PDK1: variants seen among roughly 807,000 people sequenced by gnomAD.
PDK1 encodes the protein [Pyruvate dehydrogenase (acetyl-transferring)] kinase isozyme 1, mitochondrial.
Under a neutral mutation model 54.2 loss-of-function variants are expected in PDK1, and 39 were observed. That is an observed-to-expected ratio of 0.72 (90% confidence interval 0.56 to 0.94). The LOEUF (loss-of-function observed/expected upper bound fraction) is 0.94. Ranked by LOEUF, PDK1 falls within the 40% of genes least tolerant of loss-of-function variation. PDK1 has a pLI of 0.00. For synonymous variants in PDK1, 221 were observed against 207.1 expected (o/e 1.07, Z -0.58); for missense variants, 552 against 566.0 (o/e 0.98, Z 0.25).
At chr2:172,665,011 G>C in the PDK1 span, among the ~76,000 whole-genome samples, 1 of 152,152 alleles carries the variant, frequency 6.6e-6, no homozygotes, top group Admixed American at 6.5e-5. Flanking sequence ...GCAAAGTCCA[G>C]GTCTTTGGCA....
the PDK1 span, among the ~76,000 whole-genome samples, chr2:172,652,673 T>C: frequency 8.6e-5 from 13 of 152,036 alleles, no homozygotes; most frequent in Non-Finnish European, 1.6e-4. Flanking sequence ...TATACACCAA[T>C]AACAGACAAA....
chr2:172,626,513 G>A, the PDK1 span, among the ~76,000 whole-genome samples: 1 of 152,178 alleles, frequency 6.6e-6, no homozygotes, highest in East Asian at 1.9e-4. Flanking sequence ...TTAATGTGTT[G>A]CAGGGCACAG....
intron 8 of PDK1, among the ~76,000 whole-genome samples, chr2:172,574,050 T>C (rs1292668886): frequency 2.0e-5 from 3 of 152,082 alleles, no homozygotes; most frequent in Admixed American, 2.0e-4. Context: ...TTTCTAAGAG[T>C]TTTATAGTTT....
chr2:172,608,036 A>G lies in PDK1; in HGVS notation c.*12067A>G, dbSNP rs972429422. 1 of 152,228 alleles carries G rather than the reference A, an allele frequency of 6.6e-6. No individual in the cohort carries two copies. The allele number at this position is 152,228 out of a possible 1,614,324, so 9.4% of individuals were successfully genotyped here. On this transcript the variant is annotated 3_prime_UTR_variant, in exon 11 of 11. Coordinates refer to ENST00000282077, the MANE Select transcript of PDK1 (RefSeq NM_002610.5). ...CTGAATAATAAAGTTTATTAATAACAGTTTTAGTTAATACTTGACTGACAT... is the reference window on the plus strand; with the variant it reads ...CTGAATAATAAAGTTTATTAATAACGGTTTTAGTTAATACTTGACTGACAT...
the PDK1 span, among the ~76,000 whole-genome samples, chr2:172,621,367 C>G: frequency 2.6e-5 from 4 of 152,066 alleles, no homozygotes; most frequent in Non-Finnish European, 4.4e-5. Context: ...CTTAGCCTCT[C>G]AGCCTACATC....
chr2:172,556,401 C>T (rs2149170791), intron 1 of PDK1, 55 bp downstream of exon 1: 4 of 1,279,726 alleles, frequency 3.1e-6, no homozygotes, highest in Non-Finnish European at 4.1e-6. Flanking sequence ...CGGGGAGCTG[C>T]GGCCGCTGCC....
At chr2:172,570,063 C>T (rs145625378) in intron 7 of PDK1, among the ~76,000 whole-genome samples, 2,373 of 152,302 alleles carry the variant, frequency 0.016, 25 homozygotes, top group South Asian at 0.048. Flanking sequence ...AGGACTCAAT[C>T]GCAATTGCTG....
chr2:172,558,908 C>A, intron 2 of PDK1, 59 bp downstream of exon 2: 3 of 1,477,700 alleles, frequency 2.0e-6, no homozygotes, highest in Non-Finnish European at 2.8e-6. Context: ...TTCAAGGTTA[C>A]AGCAAATGCT....
Position 172,605,855 on chromosome 2 carries a change from G to C in PDK1, c.*9886G>C, listed in dbSNP as rs1691274035. The C allele has an allele frequency of 6.6e-6, 1 of 152,160 alleles. No homozygotes were observed. The highest frequency in any genetic ancestry group is 2.4e-5 in the African/African-American group (1 of 41,426). The allele number at this position is 152,160 out of a possible 1,614,324, so 9.4% of individuals were successfully genotyped here. ...ATCTGTGGAAAGACATTTACCACCT[G>C]TTTGAAAAGGTCAGCGTGCTGATAT... On this transcript the variant is annotated 3_prime_UTR_variant, in exon 11 of 11. Transcript: ENST00000282077.
chr2:172,710,298 T>C, the PDK1 span, among the ~76,000 whole-genome samples: 1 of 152,250 alleles, frequency 6.6e-6, no homozygotes, highest in Non-Finnish European at 1.5e-5. Context: ...ATGTGAAAGA[T>C]GCTTGTTTCC....
Position 172,556,179 on chromosome 2 carries a change from C to T in PDK1, c.29C>T (p.Ala10Val), listed in dbSNP as rs1688307995. 3.5e-6 allele frequency: 5 copies of T among 1,416,234 alleles called. No individual in the cohort carries two copies. In the South Asian group the frequency reaches 5.9e-5, roughly 17 times the overall value. The allele number at this position is 1,416,234 out of a possible 1,614,324, so 87.7% of individuals were successfully genotyped here. A position where few individuals can be genotyped will look rare whatever the true frequency, so the allele number is the denominator to read the frequency against. The change falls in exon 1 of 11, where the codon GCC becomes GTC. Residue 10 changes from alanine (A) to valine (V), a missense_variant. Coordinates refer to ENST00000282077, the MANE Select transcript of PDK1 (RefSeq NM_002610.5). MRLARLLRG[A>V]ALAGPGPGLR... Reference sequence around the variant, plus strand: ...AGGCTGGCGCGGCTGCTTCGCGGAGCCGCCTTGGCCGGCCCGGGCCCGGGG... The same window carrying T: ...AGGCTGGCGCGGCTGCTTCGCGGAGTCGCCTTGGCCGGCCCGGGCCCGGGG...
the PDK1 span, among the ~76,000 whole-genome samples, chr2:172,622,336 A>AT: frequency 5.2e-5 from 6 of 114,882 alleles, no homozygotes; most frequent in Non-Finnish European, 1.1e-4. Context: ...ATATGTTTAT[A>AT]TCTCATATAT....
chr2:172,576,775 T>C (rs1689608434), intron 8 of PDK1, among the ~76,000 whole-genome samples: 1 of 152,192 alleles, frequency 6.6e-6, no homozygotes, highest in South Asian at 2.1e-4. Flanking sequence ...GAATTTCCCA[T>C]GTGTTCTCTT....
the PDK1 span, among the ~76,000 whole-genome samples, chr2:172,700,333 C>T: frequency 6.8e-6 from 1 of 147,892 alleles, no homozygotes; most frequent in African/African-American, 2.5e-5. Flanking sequence ...ACGGGGCGGC[C>T]GGGCAGAGGC....
the PDK1 span, among the ~76,000 whole-genome samples, chr2:172,661,194 T>C: frequency 6.6e-6 from 1 of 152,046 alleles, no homozygotes; most frequent in Non-Finnish European, 1.5e-5. Context: ...CTCTACCCTC[T>C]CCCAGTAGAC....
At chr2:172,595,128 G>A (rs1690819118) in intron 10 of PDK1, among the ~76,000 whole-genome samples, 1 of 152,112 alleles carries the variant, frequency 6.6e-6, no homozygotes, top group Non-Finnish European at 1.5e-5. Flanking sequence ...GAGTGCAGTG[G>A]TACAATCATA....
intron 1 of PDK1, 129 bp downstream of exon 1, chr2:172,556,475 C>A: frequency 1.7e-6 from 1 of 595,786 alleles, no homozygotes; most frequent in South Asian, 4.0e-5. Flanking sequence ...AGCGTTTCCG[C>A]CCCCAGCGCC....
the PDK1 span, among the ~76,000 whole-genome samples, chr2:172,696,773 G>A: frequency 1.3e-5 from 2 of 151,788 alleles, no homozygotes; most frequent in Non-Finnish European, 2.9e-5. Context: ...CTTTTATAAG[G>A]AATCCTATGA....
chr2:172,583,281 GTTTT>G (rs1175087926), intron 8 of PDK1, among the ~76,000 whole-genome samples: 21 of 77,058 alleles, frequency 2.7e-4, no homozygotes, highest in African/African-American at 6.5e-4. Flanking sequence ...AAGTTTTCTG[GTTTT>G]TTTTTTTTTT....
Sources: gnomAD v4.1 joint callset for allele counts (sites outside exome capture counted in the v4.1 genomes callset) on GRCh38, gnomAD v4.1.1 for gene constraint, MANE v1.5 for transcripts, NCBI Gene and HGNC (gene_info 2026-07-23, HGNC 2026-07-21) for gene names.